The following GRID2 variants were observed in gnomAD, a reference collection of about 807,000 sequenced individuals.
GRID2 encodes glutamate ionotropic receptor delta type subunit 2, also known as glutamate receptor ionotropic, delta-2.
A neutral mutation model predicts 114.8 loss-of-function variants in GRID2; 33 were observed. The ratio of observed to expected loss-of-function variants is 0.29; its 90% confidence interval spans 0.22 to 0.38. The LOEUF (loss-of-function observed/expected upper bound fraction) is 0.38. GRID2 is among the 10% of genes least tolerant of loss of function. The pLI is 1.00. For missense variants in GRID2, 1,184 were observed against 1,257.7 expected (o/e 0.94, Z 0.89); for synonymous variants, 505 against 449.9 (o/e 1.12, Z -1.55).
intron 13 of GRID2, among the ~76,000 whole-genome samples, chr4:93,520,160 A>G (rs1390015043): frequency 2.6e-5 from 4 of 152,188 alleles, no homozygotes; most frequent in Non-Finnish European, 4.4e-5. Flanking sequence ...GCTATTTTAC[A>G]TACTCATTCA....
chr4:92,998,811 A>G (rs1755361724), intron 2 of GRID2, among the ~76,000 whole-genome samples: 1 of 150,974 alleles, frequency 6.6e-6, no homozygotes, highest in South Asian at 2.1e-4. Context: ...TATTTATGTT[A>G]AAGAGGATCA....
intron 2 of GRID2, among the ~76,000 whole-genome samples, chr4:93,004,181 C>T (rs1219043847): frequency 6.6e-6 from 1 of 151,692 alleles, no homozygotes; most frequent in Non-Finnish European, 1.5e-5. Context: ...ACCTGTATTA[C>T]AAGAAGCACC....
At chr4:93,397,714 C>T (rs763442397) in intron 9 of GRID2, among the ~76,000 whole-genome samples, 18 of 151,766 alleles carry the variant, frequency 1.2e-4, no homozygotes, top group African/African-American at 2.4e-4. Flanking sequence ...AACCCCCACA[C>T]CAAAATCTGC....
chr4:92,415,740 GTATATATATATATA>G (rs70940888), intron 1 of GRID2, among the ~76,000 whole-genome samples: 1,358 of 82,238 alleles, frequency 0.017, 44 homozygotes, highest in African/African-American at 0.047. Flanking sequence ...GTGTATGTGT[GTATATATATATATA>G]TATATATATA....
At chr4:92,873,632 C>G (rs1028393911) in intron 2 of GRID2, among the ~76,000 whole-genome samples, 1 of 152,022 alleles carries the variant, frequency 6.6e-6, no homozygotes, top group African/African-American at 2.4e-5. Context: ...ATTTCCTATC[C>G]ATAAAAGAGA....
At chr4:93,163,398 ATACAC>A (rs1737928168) in intron 4 of GRID2, among the ~76,000 whole-genome samples, 1 of 39,984 alleles carries the variant, frequency 2.5e-5, no homozygotes, top group African/African-American at 9.3e-5. Context: ...ATATATATAT[ATACAC>A]TATATATATA....
intron 2 of GRID2, among the ~76,000 whole-genome samples, chr4:92,762,203 G>A (rs1037220813): frequency 6.6e-6 from 1 of 152,022 alleles, no homozygotes; most frequent in Non-Finnish European, 1.5e-5. Flanking sequence ...GTGAGCCACC[G>A]CGCCCAGCCT....
At chr4:92,421,868 G>T (rs912849273) in intron 1 of GRID2, among the ~76,000 whole-genome samples, 13 of 152,250 alleles carry the variant, frequency 8.5e-5, no homozygotes, top group African/African-American at 3.1e-4. Flanking sequence ...GTTCAAATCT[G>T]CAAGGGATGC....
chr4:92,858,593 T>G (rs2149432018), intron 2 of GRID2, among the ~76,000 whole-genome samples: 2 of 152,312 alleles, frequency 1.3e-5, no homozygotes, highest in South Asian at 2.1e-4. Context: ...AGTCTCACAC[T>G]TTCGCCCAGG....
chr4:92,695,300 T>A (rs1385790350), intron 2 of GRID2, among the ~76,000 whole-genome samples: 1 of 152,084 alleles, frequency 6.6e-6, no homozygotes, highest in Non-Finnish European at 1.5e-5. Context: ...AAAATAAGAT[T>A]TAGAGAACTC....
intron 13 of GRID2, among the ~76,000 whole-genome samples, chr4:93,539,650 G>T (rs1345422608): frequency 6.6e-6 from 1 of 151,978 alleles, no homozygotes; most frequent in East Asian, 1.9e-4. Context: ...AGATAAAATT[G>T]TGAGACTTGC....
chr4:93,169,852 A>C (rs1738624878), intron 4 of GRID2, among the ~76,000 whole-genome samples: 1 of 152,174 alleles, frequency 6.6e-6, no homozygotes, highest in South Asian at 2.1e-4. Context: ...AACAATCCAA[A>C]CTTCTACTGA....
rs367781148 is a variant in GRID2 at position 92,887,624 on chromosome 4, G to T, written c.245-197371G>T. ...TATCATGGTGTCATCATTAGATAAT[G>T]GTGCTAGGACCAGGTCTACTGCAAA... On this transcript the variant is annotated intron_variant, in intron 2 of 15. Coordinates refer to ENST00000282020, the MANE Select transcript of GRID2 (RefSeq NM_001510.4). Among the ~76,000 whole-genome samples the T allele has an allele frequency of 1.3e-4, 20 of 152,220 alleles. 1 individual carries two copies. In the South Asian group the frequency reaches 1.5e-3, roughly 11 times the overall value.
intron 10 of GRID2, among the ~76,000 whole-genome samples, chr4:93,423,820 TA>T (rs1410743529): frequency 3.3e-5 from 5 of 152,204 alleles, no homozygotes; most frequent in Non-Finnish European, 7.4e-5. Flanking sequence ...ATTTTCCTGA[TA>T]AATTATTGAA....
At chr4:93,617,960 G>T (rs775267653) in intron 13 of GRID2, among the ~76,000 whole-genome samples, 1 of 151,598 alleles carries the variant, frequency 6.6e-6, no homozygotes, top group South Asian at 2.1e-4. Flanking sequence ...TTTTTGAGCC[G>T]TGGTATGGGT....
intron 2 of GRID2, among the ~76,000 whole-genome samples, chr4:92,628,525 T>A (rs1449529088): frequency 6.6e-6 from 1 of 151,968 alleles, no homozygotes; most frequent in East Asian, 1.9e-4. Flanking sequence ...ACCCAGCTAA[T>A]TTTTTGTATT....
chr4:92,523,658 A>G (rs1724893928), intron 1 of GRID2, among the ~76,000 whole-genome samples: 2 of 152,078 alleles, frequency 1.3e-5, no homozygotes, highest in African/African-American at 4.8e-5. Flanking sequence ...TGTAAGATAA[A>G]GACTGTAAAA....
intron 13 of GRID2, among the ~76,000 whole-genome samples, chr4:93,604,090 T>A (rs984188637): frequency 6.6e-6 from 1 of 152,224 alleles, no homozygotes. Context: ...ATAGCTGCCA[T>A]GTAAGTGATT....
chr4:93,605,873 C>G (rs1267521494), intron 13 of GRID2, among the ~76,000 whole-genome samples: 1 of 152,192 alleles, frequency 6.6e-6, no homozygotes, highest in Non-Finnish European at 1.5e-5. Context: ...TAAGGGGACA[C>G]TAACCAAAGC....
Sources: gnomAD v4.1 joint callset for allele counts (sites outside exome capture counted in the v4.1 genomes callset) on GRCh38, gnomAD v4.1.1 for gene constraint, MANE v1.5 for transcripts, NCBI Gene and HGNC (gene_info 2026-07-23, HGNC 2026-07-21) for gene names.